Variants in PCDHGB6 observed in about 807,000 individuals in gnomAD.
PCDHGB6 encodes the protein protocadherin gamma-B6.
A neutral mutation model predicts 59.1 loss-of-function variants in PCDHGB6; 51 were observed. That is an observed-to-expected ratio of 0.86 (90% confidence interval 0.69 to 1.09). PCDHGB6 has a LOEUF of 1.09. PCDHGB6 is among the 50% of genes least tolerant of loss of function. PCDHGB6 has a pLI of 0.00. For missense variants in PCDHGB6, 1,148 were observed against 1,205.1 expected (o/e 0.95, Z 0.70); for synonymous variants, 466 against 495.1 (o/e 0.94, Z 0.78).
rs772000812 is a variant in PCDHGB6, at chr5:141,478,304, C to T, written c.2419-16503C>T. The T allele has an allele frequency of 8.1e-6, 13 of 1,614,108 alleles. No individual in the cohort carries two copies. In the Middle Eastern group the frequency reaches 1.2e-3, roughly 143 times the overall value. On this transcript the variant is annotated intron_variant, in intron 1 of 3. Coordinates refer to ENST00000520790, the MANE Select transcript of PCDHGB6 (RefSeq NM_018926.3). The stretch of plus-strand genomic sequence containing the variant: ...GCAGTCTAGAGACCTATACCGAGCC[C>T]CGGTGAGCTCACTGTACCGAACACC...
At chr5:141,415,753 T>TG in intron 1 of PCDHGB6, 2 of 1,381,386 alleles carry the variant, frequency 1.4e-6, no homozygotes, top group Non-Finnish European at 1.9e-6. Context: ...TTTTTTTTTT[T>TG]TTTTTTTTTT....
chr5:141,422,061 A>G (rs1215523341), intron 1 of PCDHGB6: 3 of 1,612,074 alleles, frequency 1.9e-6, no homozygotes, highest in Non-Finnish European at 2.5e-6. Flanking sequence ...ACGGGGAAGT[A>G]ATGTATTCAT....
At position 141,476,033 on chromosome 5, in the gene PCDHGB6, C is replaced by T; in HGVS notation, c.2419-18774C>T. On this transcript the variant is annotated intron_variant, in intron 1 of 3. Transcript: ENST00000520790. The surrounding 1 kb of genome is among the most constrained non-coding windows in gnomAD (Gnocchi z 7.6). The stretch of plus-strand genomic sequence containing the variant: ...GCCATGTCGGACTCGGCGCCCAGCG[C>T]CCAAGCGCTAACCCGCTGAAAGTTT... 6.8e-7 allele frequency: 1 copy of T among 1,469,590 alleles called. No individual in the cohort carries two copies. Among genetic ancestry groups the T allele is most frequent in the Non-Finnish European group, 9.0e-7 (1 of 1,105,326 alleles). 91.0% of individuals were successfully genotyped at this position (1,469,590 alleles called of 1,614,324 possible). A position where few individuals can be genotyped will look rare whatever the true frequency, so the allele number is the denominator to read the frequency against.
At chr5:141,441,386 G>A (rs2098243752) in intron 1 of PCDHGB6, 1 of 153,358 alleles carries the variant, frequency 6.5e-6, no homozygotes, top group African/African-American at 2.4e-5. Flanking sequence ...ACAGACCCAA[G>A]GTATAACATC....
At position 141,421,681 on chromosome 5, in the gene PCDHGB6, C is replaced by T. The variant is rs750692137; in HGVS notation, c.2418+11061C>T. 4 of 1,613,858 alleles carry T rather than the reference C, an allele frequency of 2.5e-6. No homozygotes were observed. In the South Asian group the frequency reaches 4.4e-5, roughly 18 times the overall value. Reference sequence around the variant, plus strand: ...CAGTGAGCACGCAATTCCTGGGGCGCGATTTGCTCTTCCTAATGCTAGGGA... The same window carrying T: ...CAGTGAGCACGCAATTCCTGGGGCGTGATTTGCTCTTCCTAATGCTAGGGA... On this transcript the variant is annotated intron_variant, in intron 1 of 3. Coordinates refer to ENST00000520790, the MANE Select transcript of PCDHGB6 (RefSeq NM_018926.3).
chr5:141,464,068 C>A (rs2099075218), intron 1 of PCDHGB6, among the ~76,000 whole-genome samples: 1 of 152,036 alleles, frequency 6.6e-6, no homozygotes, highest in Admixed American at 6.6e-5. Flanking sequence ...AGTTCAAGGC[C>A]AGCCTGGCCA....
chr5:141,462,418 T>A (rs1187388192), intron 1 of PCDHGB6, among the ~76,000 whole-genome samples: 2 of 152,250 alleles, frequency 1.3e-5, no homozygotes, highest in African/African-American at 2.4e-5. Context: ...ATATGGTCTA[T>A]CTTGGTGAGT....
chr5:141,432,138 A>C lies in PCDHGB6; in HGVS notation c.2418+21518A>C, dbSNP rs2097456794. On this transcript the variant is annotated intron_variant, in intron 1 of 3. Coordinates refer to ENST00000520790, the MANE Select transcript of PCDHGB6 (RefSeq NM_018926.3). The surrounding 1 kb of genome is among the most constrained non-coding windows in gnomAD (Gnocchi z 6.0). ...TTCCCTCAGGCCTCCTATTCCGCTT[A>C]TATCCCAGAGAACAATCCCAGAGGA... 1 of 1,613,954 alleles carries C rather than the reference A, an allele frequency of 6.2e-7. No individual in the cohort carries two copies. Among genetic ancestry groups the C allele is most frequent in the African/African-American group, 1.3e-5 (1 of 74,882 alleles).
rs1011731430 is a variant in PCDHGB6, at chr5:141,489,676, G to A, written c.2419-5131G>A. 6.2e-7 allele frequency: 1 copy of A among 1,614,158 alleles called. No individual in the cohort carries two copies. The highest frequency in any genetic ancestry group is 8.5e-7 in the Non-Finnish European group (1 of 1,180,008). On this transcript the variant is annotated intron_variant, in intron 1 of 3. Coordinates refer to ENST00000520790, the MANE Select transcript of PCDHGB6 (RefSeq NM_018926.3). This position sits in a 1 kb window ranked among gnomAD's most constrained non-coding sequence, Gnocchi z 4.5. ...GCGAGAGATGCGCATCTCAGAATCAGCAGCATCTGGGGCACGATTCCCACT... is the reference window on the plus strand; with the variant it reads ...GCGAGAGATGCGCATCTCAGAATCAACAGCATCTGGGGCACGATTCCCACT...
intron 1 of PCDHGB6, among the ~76,000 whole-genome samples, chr5:141,457,620 A>G (rs2098925834): frequency 6.6e-6 from 1 of 152,234 alleles, no homozygotes; most frequent in Admixed American, 6.5e-5. Flanking sequence ...ATGAACTTTA[A>G]TCTTATACTT....
At position 141,426,439 on chromosome 5, in the gene PCDHGB6, G is replaced by C. The variant is rs149215795; in HGVS notation, c.2418+15819G>C. On this transcript the variant is annotated intron_variant, in intron 1 of 3. Transcript: ENST00000520790. ...GGGCTCCGTGGTGGGGAACCTTGCG[G>C]AGGACATGCGGCTGCATGTTCAGGA... 7.8e-4 allele frequency: 237 copies of C among 302,398 alleles called. 1 individual carries two copies. The highest frequency in any genetic ancestry group is 4.6e-3 in the African/African-American group (214 of 46,260). The allele number at this position is 302,398 out of a possible 1,614,324, so 18.7% of individuals were successfully genotyped here.
chr5:141,421,342 G>A (rs199737254), intron 1 of PCDHGB6: 25 of 1,613,872 alleles, frequency 1.5e-5, no homozygotes, highest in Non-Finnish European at 1.9e-5. Context: ...GGTGCCAGAA[G>A]AGACCGAAAA....
At chr5:141,423,367 G>A (rs1478466218) in intron 1 of PCDHGB6, 2 of 1,614,068 alleles carry the variant, frequency 1.2e-6, no homozygotes, top group Admixed American at 1.7e-5. Context: ...CGTGCTGCTG[G>A]CACTCAGGCT....
intron 2 of PCDHGB6, among the ~76,000 whole-genome samples, chr5:141,505,172 A>C (rs1336105711): frequency 6.6e-6 from 1 of 152,178 alleles, no homozygotes; most frequent in Non-Finnish European, 1.5e-5. Context: ...AAACAAAAAG[A>C]AAAAAGCATC....
chr5:141,477,066 T>C lies in PCDHGB6; in HGVS notation c.2419-17741T>C. ...CGGCTGGACTTCGAGGACACCAAAC[T>C]CCATGAGATTTACATCCAGGCCAAA... On this transcript the variant is annotated intron_variant, in intron 1 of 3. Coordinates refer to ENST00000520790, the MANE Select transcript of PCDHGB6 (RefSeq NM_018926.3). This position sits in a 1 kb window ranked among gnomAD's most constrained non-coding sequence, Gnocchi z 4.9. 6.2e-7 allele frequency: 1 copy of C among 1,614,148 alleles called. No homozygotes were observed. The highest frequency in any genetic ancestry group is 8.5e-7 in the Non-Finnish European group (1 of 1,180,028).
intron 1 of PCDHGB6, among the ~76,000 whole-genome samples, chr5:141,461,604 T>G (rs1166575574): frequency 6.6e-6 from 1 of 152,228 alleles, no homozygotes; most frequent in Non-Finnish European, 1.5e-5. Context: ...TATAATTTAG[T>G]TCAAAGTATT....
rs980122657 is a variant in PCDHGB6, at chr5:141,511,379, C to G, written c.*206C>G. The G allele has an allele frequency of 2.9e-5, 34 of 1,169,842 alleles. No individual in the cohort carries two copies. The highest frequency in any genetic ancestry group is 3.9e-5 in the Non-Finnish European group (33 of 853,834). The allele number at this position is 1,169,842 out of a possible 1,614,324, so 72.5% of individuals were successfully genotyped here. ...GGGGGTTGAATATGCAAAAGCAGTT[C>G]CGCTGGGAACCCCCATCCAATCAAC... On this transcript the variant is annotated 3_prime_UTR_variant, in exon 4 of 4. Transcript: ENST00000520790.
At chr5:141,462,071 C>T (rs1473972601) in intron 1 of PCDHGB6, among the ~76,000 whole-genome samples, 1 of 152,214 alleles carries the variant, frequency 6.6e-6, no homozygotes, top group African/African-American at 2.4e-5. Context: ...GATCTGCCCG[C>T]CTTGGCCTCC....
chr5:141,460,430 G>T (rs1163518139), intron 1 of PCDHGB6, among the ~76,000 whole-genome samples: 2 of 152,110 alleles, frequency 1.3e-5, no homozygotes, highest in African/African-American at 4.8e-5. Flanking sequence ...ATGGTGTATG[G>T]TGTGAGGTAA....
Sources: gnomAD v4.1 joint callset for allele counts (sites outside exome capture counted in the v4.1 genomes callset) on GRCh38, gnomAD v4.1.1 for gene constraint, Gnocchi (gnomAD v3.1) non-coding constraint, MANE v1.5 for transcripts, NCBI Gene and HGNC (gene_info 2026-07-23, HGNC 2026-07-21) for gene names.